The following VBP1 variants were observed in gnomAD, a reference collection of about 807,000 sequenced individuals.
The protein encoded by VBP1 is prefoldin subunit 3.
VBP1 carries 4 observed loss-of-function variants against 15.5 expected under a neutral mutation model. The ratio of observed to expected loss-of-function variants is 0.26; its 90% confidence interval spans 0.13 to 0.59. The LOEUF (loss-of-function observed/expected upper bound fraction) is 0.59. Ranked by LOEUF, VBP1 falls within the 20% of genes least tolerant of loss-of-function variation. The pLI, the probability that VBP1 is intolerant of heterozygous loss-of-function variation, is 0.90. For synonymous variants in VBP1, 61 were observed against 52.1 expected (o/e 1.17, Z -0.74); for missense variants, 108 against 139.6 (o/e 0.77, Z 1.14).
At chrX:155,221,420 G>A (rs2074689048) in intron 2 of VBP1, among the ~76,000 whole-genome samples, 1 of 111,473 alleles carries the variant, frequency 9.0e-6, no homozygotes, top group Admixed American at 9.5e-5. Context: ...AGGATCGCCT[G>A]AACCCAGGAC....
chrX:155,216,431 G>A (rs2074663501), upstream of VBP1: 4 of 1,156,440 alleles, frequency 3.5e-6, no homozygotes, highest in African/African-American at 5.3e-5. Context: ...GCCAATCACG[G>A]AATCCCGGCG....
At chrX:155,232,517 C>T (rs1234890387) in intron 4 of VBP1, among the ~76,000 whole-genome samples, 1 of 111,992 alleles carries the variant, frequency 8.9e-6, no homozygotes, top group African/African-American at 3.2e-5. Flanking sequence ...AGCAACTCCT[C>T]AGGATAATGG....
At chrX:155,216,435 C>G, upstream of VBP1, 1 of 1,157,158 alleles carries the variant, frequency 8.6e-7, no homozygotes, top group Non-Finnish European at 1.2e-6. Context: ...ATCACGGAAT[C>G]CCGGCGGCCG....
Position 155,198,756 on chromosome X carries a change from A to G in VBP1, c.-31+1617A>G, listed in dbSNP as rs782436951. ...CACCAGCAACGGAACAAAGCTGGAC[A>G]GAGAATGACTTTGACGAGTTGAGAG... On this transcript the variant is annotated intron_variant, in intron 1 of 6. Coordinates refer to the VBP1 transcript ENST00000535916. Among the ~76,000 whole-genome samples, 4 of 112,287 alleles carry G rather than the reference A, an allele frequency of 3.6e-5. No homozygotes were observed. In the South Asian group the frequency reaches 1.1e-3, roughly 30 times the overall value.
At chrX:155,200,366 T>G (rs1436231644) in intron 1 of VBP1, among the ~76,000 whole-genome samples, 2 of 105,075 alleles carry the variant, frequency 1.9e-5, no homozygotes, top group East Asian at 5.9e-4. Flanking sequence ...GAAGTAAAGC[T>G]CTCCTCAGCA....
intron 4 of VBP1, 107 bp downstream of exon 4, chrX:155,228,589 C>T (rs1011828853): frequency 9.7e-5 from 60 of 616,991 alleles, no homozygotes; most frequent in Admixed American, 1.6e-4. Context: ...TAGTATTGCT[C>T]GAGATATGTA....
At chrX:155,226,376 A>C (rs1557310265) in intron 2 of VBP1, among the ~76,000 whole-genome samples, 2 of 111,924 alleles carry the variant, frequency 1.8e-5, no homozygotes. Flanking sequence ...CATATAACTT[A>C]TCCATTAAGT....
chrX:155,208,345 C>T (rs782735452), intron 1 of VBP1, among the ~76,000 whole-genome samples: 1 of 112,601 alleles, frequency 8.9e-6, no homozygotes, highest in Admixed American at 9.4e-5. Context: ...CCACCTACGT[C>T]CTTGACCTGA....
At chrX:155,210,545 C>T (rs1436000029) in intron 2 of VBP1, among the ~76,000 whole-genome samples, 4 of 111,745 alleles carry the variant, frequency 3.6e-5, no homozygotes, top group African/African-American at 1.3e-4. Flanking sequence ...TTACTTCATA[C>T]CAGGTGTTCT....
At chrX:155,224,797 C>T (rs2074711657) in intron 2 of VBP1, among the ~76,000 whole-genome samples, 1 of 111,754 alleles carries the variant, frequency 8.9e-6, no homozygotes, top group Non-Finnish European at 1.9e-5. Context: ...CTTTTTCTAT[C>T]GTCTGTTAAT....
chrX:155,235,519 T>C (rs1284927867), intron 4 of VBP1, among the ~76,000 whole-genome samples: 2 of 111,125 alleles, frequency 1.8e-5, no homozygotes, highest in Non-Finnish European at 3.8e-5. Flanking sequence ...AAGGTGTGGC[T>C]TCCCAATTCC....
At chrX:155,223,675 C>T (rs1272648096) in intron 2 of VBP1, among the ~76,000 whole-genome samples, 2 of 112,908 alleles carry the variant, frequency 1.8e-5, no homozygotes, top group Non-Finnish European at 3.8e-5. Context: ...ACAAAACCTC[C>T]ATCGTCATCA....
Position 155,228,611 on chromosome X carries a change from T to TC in VBP1, c.384+131dup, listed in dbSNP as rs1298976269. ...GCTCGAGATATGTAAAGTGTTCATC[T>TC]CCTTTTGATTGTGGAAGGGACAAAG... On this transcript the variant is annotated intron_variant, in intron 4 of 5. Transcript: ENST00000286428. 11 of 515,828 alleles carry TC rather than the reference T, an allele frequency of 2.1e-5. No homozygotes were observed. The African/African-American group carries it at 2.4e-4, about 11-fold the overall frequency. The allele number at this position is 515,828 out of a possible 1,213,427, so 42.5% of individuals were successfully genotyped here.
intron 1 of VBP1, among the ~76,000 whole-genome samples, chrX:155,206,118 C>T (rs781962330): frequency 6.3e-5 from 7 of 111,915 alleles, no homozygotes; most frequent in Non-Finnish European, 9.4e-5. Flanking sequence ...AATAAGGTGA[C>T]AAGTGCCATG....
chrX:155,236,131 C>T (rs1557311535), intron 4 of VBP1, 98 bp from the exon 5 acceptor site: 15 of 947,322 alleles, frequency 1.6e-5, no homozygotes, highest in Non-Finnish European at 2.0e-5. Context: ...AGGCAGCAAG[C>T]TGGATTTGAC....
At chrX:155,203,053 C>A (rs1452417359) in intron 1 of VBP1, among the ~76,000 whole-genome samples, 1 of 112,172 alleles carries the variant, frequency 8.9e-6, no homozygotes, top group Non-Finnish European at 1.9e-5. Flanking sequence ...ATCAAAACCA[C>A]AATGAGATAC....
intron 4 of VBP1, among the ~76,000 whole-genome samples, chrX:155,228,893 A>G (rs922702620): frequency 1.8e-5 from 2 of 112,562 alleles, no homozygotes; most frequent in African/African-American, 6.5e-5. Context: ...GATCCCTCTC[A>G]ATTTAAGGGG....
intron 2 of VBP1, among the ~76,000 whole-genome samples, chrX:155,209,402 A>G (rs2074637313): frequency 8.9e-6 from 1 of 112,455 alleles, no homozygotes; most frequent in South Asian, 3.6e-4. Context: ...AGCGTGCTCC[A>G]GATAAACACA....
At chrX:155,198,565 A>T (rs2074587949) in intron 1 of VBP1, among the ~76,000 whole-genome samples, 1 of 111,337 alleles carries the variant, frequency 9.0e-6, no homozygotes, top group Admixed American at 9.5e-5. Flanking sequence ...GTTAGAAGGA[A>T]AACTAACAAA....
Sources: allele counts gnomAD v4.1 joint callset (sites outside exome capture counted in the v4.1 genomes callset), GRCh38; gene constraint gnomAD v4.1.1; transcripts MANE v1.5; gene names NCBI Gene and HGNC (gene_info 2026-07-23, HGNC 2026-07-21).